Variants in CRIM1 observed in about 807,000 individuals in gnomAD.
CRIM1 encodes cysteine-rich motor neuron 1 protein.
In CRIM1, 32 loss-of-function variants were observed where a neutral mutation model predicts 116.4. That is an observed-to-expected ratio of 0.27 (90% CI 0.21 to 0.37). The LOEUF (loss-of-function observed/expected upper bound fraction) is 0.37, where lower values mean the gene tolerates loss of function less well. Among genes scored for constraint, CRIM1 ranks in the 10% least tolerant of loss-of-function variants. The probability of loss-of-function intolerance (pLI) is 1.00; values close to 1 mark genes in which losing one functional copy is unlikely to be tolerated. For missense variants in CRIM1, 1,331 were observed against 1,354.8 expected (o/e 0.98, Z 0.28); for synonymous variants, 590 against 509.2 (o/e 1.16, Z -2.13).
intron 2 of CRIM1, among the ~76,000 whole-genome samples, chr2:36,403,228 GAA>G (rs1672547481): frequency 6.6e-6 from 1 of 152,302 alleles, no homozygotes; most frequent in South Asian, 2.1e-4. Flanking sequence ...CTTGCACAGT[GAA>G]CATTTTGCAA....
intron 2 of CRIM1, among the ~76,000 whole-genome samples, chr2:36,423,912 G>C (rs929915303): frequency 6.6e-6 from 1 of 152,174 alleles, no homozygotes; most frequent in African/African-American, 2.4e-5. Flanking sequence ...AGCTAGGAAA[G>C]GTGACTGAGG....
At chr2:36,497,413 T>A (rs1335112633) in intron 7 of CRIM1, among the ~76,000 whole-genome samples, 1 of 152,178 alleles carries the variant, frequency 6.6e-6, no homozygotes, top group African/African-American at 2.4e-5. Context: ...AAGACTGGAA[T>A]AGAATCATTA....
At chr2:36,373,743 A>G (rs116402107) in intron 1 of CRIM1, among the ~76,000 whole-genome samples, 2,633 of 152,244 alleles carry the variant, frequency 0.017, 95 homozygotes, top group African/African-American at 0.06. Context: ...GTGGACAGCT[A>G]TGCACACGTT....
At position 36,384,542 on chromosome 2, in the gene CRIM1, C is replaced by A. The variant is rs993936670; in HGVS notation, c.332-12072C>A. Among the ~76,000 whole-genome samples the A allele has an allele frequency of 3.7e-4, 56 of 152,164 alleles. 1 individual carries two copies. The highest frequency in any genetic ancestry group is 8.8e-5 in the Non-Finnish European group (6 of 68,028). ...TGTAAATATGTTTTTCAAACATGTTCTTAAGACTTTTTAATCTTTCTATGT... is the reference window on the plus strand; with the variant it reads ...TGTAAATATGTTTTTCAAACATGTTATTAAGACTTTTTAATCTTTCTATGT... On this transcript the variant is annotated intron_variant, in intron 1 of 16. Transcript: ENST00000280527.
In CRIM1 at chr2:36,509,969, C is replaced by G; in HGVS notation, c.1502-14C>G. On this transcript the variant is annotated splice_polypyrimidine_tract_variant and intron_variant, in intron 8 of 16. Coordinates refer to ENST00000280527, the MANE Select transcript of CRIM1 (RefSeq NM_016441.3). ...CATCTTTGGAAGAAACATGCCGTCT[C>G]TGTGTCTTCACAGCCGAGGAACTAT... 1.2e-6 allele frequency: 2 copies of G among 1,611,952 alleles called. No homozygotes were observed. The highest frequency in any genetic ancestry group is 1.7e-6 in the Non-Finnish European group (2 of 1,178,710).
At chr2:36,396,471 T>C (rs1239986923) in intron 1 of CRIM1, 143 bp from the exon 2 acceptor site, 1 of 533,424 alleles carries the variant, frequency 1.9e-6, no homozygotes, top group South Asian at 3.7e-5. Context: ...CATTCATTTG[T>C]AAAGTTTCAG....
chr2:36,505,028 T>C (rs848529), intron 8 of CRIM1, among the ~76,000 whole-genome samples: 15,816 of 152,248 alleles, frequency 0.1, 1,397 homozygotes, highest in East Asian at 0.28. Context: ...TCATGAAATA[T>C]GTATCTGAAT....
chr2:36,540,633 G>A (rs1333411514), intron 14 of CRIM1, among the ~76,000 whole-genome samples: 1 of 152,192 alleles, frequency 6.6e-6, no homozygotes, highest in Non-Finnish European at 1.5e-5. Context: ...CAAATGAAGA[G>A]TGTAGATTTT....
intron 2 of CRIM1, among the ~76,000 whole-genome samples, chr2:36,399,471 G>A (rs1672263707): frequency 6.6e-6 from 1 of 152,190 alleles, no homozygotes; most frequent in Non-Finnish European, 1.5e-5. Flanking sequence ...TACGGTATCT[G>A]CTAGCAGGAA....
At chr2:36,494,462 C>T (rs769911221) in intron 7 of CRIM1, among the ~76,000 whole-genome samples, 1 of 152,028 alleles carries the variant, frequency 6.6e-6, no homozygotes, top group Non-Finnish European at 1.5e-5. Flanking sequence ...TGTTATTGCA[C>T]GTTAGAAGAT....
chr2:36,393,986 G>A (rs1186904068), intron 1 of CRIM1, among the ~76,000 whole-genome samples: 1 of 152,172 alleles, frequency 6.6e-6, no homozygotes, highest in Non-Finnish European at 1.5e-5. Context: ...TGGATCTGGG[G>A]ACATTGTGGG....
Position 36,356,714 on chromosome 2 carries a change from T to A in CRIM1, c.331+91T>A, listed in dbSNP as rs891383511. Reference sequence around the variant, plus strand: ...CGAACAAAGTTTGGGCGAGACTTTCTGGAGGAAAGAGGGCTCTGCGGGAAG... The same window carrying A: ...CGAACAAAGTTTGGGCGAGACTTTCAGGAGGAAAGAGGGCTCTGCGGGAAG... On this transcript the variant is annotated intron_variant, in intron 1 of 16. Transcript: ENST00000280527. This position sits in a 1 kb window ranked among gnomAD's most constrained non-coding sequence, Gnocchi z 4.3. 6 of 1,310,832 alleles carry A rather than the reference T, an allele frequency of 4.6e-6. No homozygotes were observed. The highest frequency in any genetic ancestry group is 6.2e-6 in the Non-Finnish European group (6 of 964,488). 81.2% of individuals were successfully genotyped at this position (1,310,832 alleles called of 1,614,324 possible).
intron 7 of CRIM1, among the ~76,000 whole-genome samples, chr2:36,498,100 G>A (rs1171611077): frequency 6.6e-6 from 1 of 152,212 alleles, no homozygotes; most frequent in African/African-American, 2.4e-5. Flanking sequence ...GATATTGTGA[G>A]CAACAGCTTA....
At chr2:36,466,235 T>G (rs1678017782) in intron 5 of CRIM1, among the ~76,000 whole-genome samples, 1 of 152,108 alleles carries the variant, frequency 6.6e-6, no homozygotes, top group Non-Finnish European at 1.5e-5. Flanking sequence ...GGCACAGTTC[T>G]GGACATTGGG....
intron 14 of CRIM1, among the ~76,000 whole-genome samples, chr2:36,541,653 A>G (rs955124838): frequency 1.3e-5 from 2 of 152,218 alleles, no homozygotes; most frequent in Non-Finnish European, 2.9e-5. Flanking sequence ...AAAGTAAAAT[A>G]TATCCCCAGT....
At chr2:36,547,265 G>A in intron 16 of CRIM1, 94 bp downstream of exon 16, 4 of 1,043,776 alleles carry the variant, frequency 3.8e-6, no homozygotes, top group South Asian at 2.8e-5. Flanking sequence ...CTTAACCAGT[G>A]AAGTTTTTAC....
In CRIM1 at chr2:36,399,562, G is replaced by A. The variant is rs959846066; in HGVS notation, c.505+2775G>A. ...ATGATAGTGCAAGTAATAGAAGTAG[G>A]AAGACTTTTGAGGAGTCTCGTGATA... On this transcript the variant is annotated intron_variant, in intron 2 of 16. Transcript: ENST00000280527. Among the ~76,000 whole-genome samples, 20 of 152,326 alleles carry A rather than the reference G, an allele frequency of 1.3e-4. 1 individual carries two copies. The South Asian group carries it at 3.1e-3, about 24-fold the overall frequency.
At chr2:36,544,853 T>C (rs901018910) in intron 15 of CRIM1, among the ~76,000 whole-genome samples, 2 of 152,208 alleles carry the variant, frequency 1.3e-5, no homozygotes, top group African/African-American at 2.4e-5. Flanking sequence ...AGAGTAATCA[T>C]GAATTAGTCA....
At chr2:36,407,397 A>G (rs1672889710) in intron 2 of CRIM1, among the ~76,000 whole-genome samples, 1 of 152,180 alleles carries the variant, frequency 6.6e-6, no homozygotes, top group African/African-American at 2.4e-5. Context: ...GTGTACTTTT[A>G]TTTACGTTGA....
Sources: gnomAD v4.1 joint callset for allele counts (sites outside exome capture counted in the v4.1 genomes callset) on GRCh38, gnomAD v4.1.1 for gene constraint, Gnocchi (gnomAD v3.1) non-coding constraint, MANE v1.5 for transcripts, NCBI Gene and HGNC (gene_info 2026-07-23, HGNC 2026-07-21) for gene names.